NTRK3: variants seen among roughly 807,000 people sequenced by gnomAD.
NTRK3 encodes neurotrophic receptor tyrosine kinase 3.
In NTRK3, 24 loss-of-function variants were observed where a neutral mutation model predicts 91.7. The ratio of observed to expected loss-of-function variants is 0.26; its 90% CI spans 0.19 to 0.37. The LOEUF is 0.37. Among genes scored for constraint, NTRK3 ranks in the 10% least tolerant of loss-of-function variants. The pLI, the probability that NTRK3 is intolerant of heterozygous loss-of-function variation, is 1.00. For synonymous variants in NTRK3, 483 were observed against 404.0 expected, an observed-to-expected ratio of 1.20 and a Z score of -2.34; for missense variants, 880 against 1,068.9, an observed-to-expected ratio of 0.82 and a Z score of 2.46.
chr15:88,231,235 CT>C (rs2051153244), intron 3 of NTRK3, among the ~76,000 whole-genome samples: 1 of 152,138 alleles, frequency 6.6e-6, no homozygotes, highest in Non-Finnish European at 1.5e-5. Context: ...ACACCTCCAA[CT>C]CTCACACTCA....
chr15:88,143,739 G>A lies in NTRK3; in HGVS notation c.464+3596C>T, dbSNP rs533999539. On this transcript the variant is annotated intron_variant, in intron 6 of 18. Transcript: ENST00000394480. ...ATTGTTTAGTGACGTCTCCAAGAAC[G>A]GTAGAAAGTCATCACGGCCAAGACT... is the stretch of plus-strand genomic sequence containing the variant. Among the ~76,000 whole-genome samples the A allele has an allele frequency of 1.2e-4, 19 of 152,242 alleles. No homozygotes were observed. In the South Asian group the frequency reaches 3.3e-3, roughly 27 times the overall value.
chr15:87,995,710 C>CA (rs1266781525), intron 14 of NTRK3, among the ~76,000 whole-genome samples: 1 of 152,112 alleles, frequency 6.6e-6, no homozygotes, highest in Non-Finnish European at 1.5e-5. Context: ...GGGCAGGGGC[C>CA]AGCAAGCTTT....
chr15:87,933,238 T>C lies in NTRK3; in HGVS notation c.1717-54A>G, dbSNP rs1045333083. On this transcript the variant is annotated intron_variant, in intron 15 of 18. Coordinates refer to ENST00000394480, the Ensembl canonical transcript of NTRK3. ...AACAACTACAGGGCAGGGGGCTGTC[T>C]TTTCTACTCCTGGAAAGAAACTGGC... The C allele has an allele frequency of 5.1e-6, 8 of 1,572,140 alleles. No individual in the cohort carries two copies. In the African/African-American group the frequency reaches 1.1e-4, roughly 21 times the overall value.
chr15:87,977,149 A>G (rs562582178), intron 14 of NTRK3, among the ~76,000 whole-genome samples: 8 of 152,230 alleles, frequency 5.3e-5, no homozygotes, highest in Non-Finnish European at 1.0e-4. Flanking sequence ...CAATACGATG[A>G]AAAAGCACTT....
chr15:88,212,729 C>G (rs1016583449), intron 3 of NTRK3, among the ~76,000 whole-genome samples: 3 of 135,664 alleles, frequency 2.2e-5, no homozygotes, highest in African/African-American at 1.0e-4. Flanking sequence ...CACACACACA[C>G]ACACACACAC....
intron 5 of NTRK3, among the ~76,000 whole-genome samples, chr15:88,175,214 G>A (rs1376883386): frequency 6.6e-6 from 1 of 152,182 alleles, no homozygotes; most frequent in East Asian, 1.9e-4. Flanking sequence ...GAGGTCAGCT[G>A]TGGCTTTGCT....
At chr15:87,970,753 A>G (rs1427891122) in intron 14 of NTRK3, among the ~76,000 whole-genome samples, 2 of 152,160 alleles carry the variant, frequency 1.3e-5, no homozygotes, top group African/African-American at 4.8e-5. Flanking sequence ...CATTGCTGCA[A>G]TCAATAAAAA....
intron 13 of NTRK3, among the ~76,000 whole-genome samples, chr15:88,095,941 T>C (rs946231535): frequency 2.1e-4 from 32 of 152,178 alleles, no homozygotes; most frequent in African/African-American, 7.0e-4. Context: ...CCAATCTCCT[T>C]CTGCAGTGGT....
At chr15:88,106,751 T>C (rs1393241119) in intron 13 of NTRK3, among the ~76,000 whole-genome samples, 1 of 151,950 alleles carries the variant, frequency 6.6e-6, no homozygotes, top group Non-Finnish European at 1.5e-5. Context: ...ACCAACATGG[T>C]GAAACCCTGT....
intron 14 of NTRK3, among the ~76,000 whole-genome samples, chr15:88,012,291 C>T (rs763534782): frequency 2.6e-5 from 4 of 152,254 alleles, no homozygotes; most frequent in Middle Eastern, 3.4e-3. Context: ...ATAAGGGAAA[C>T]GTATTAACAC....
intron 17 of NTRK3, among the ~76,000 whole-genome samples, chr15:87,922,636 C>T (rs547801688): frequency 6.6e-6 from 1 of 152,204 alleles, no homozygotes; most frequent in South Asian, 2.1e-4. Context: ...TTTCTGAAGC[C>T]CATCCTTTGA....
exon 18 of NTRK3, chr15:87,880,361 G>C (rs369115841): frequency 1.9e-6 from 3 of 1,614,162 alleles, no homozygotes; most frequent in Non-Finnish European, 2.5e-6. Flanking sequence ...ACTCTCTGTA[G>C]TGAACTTCCG....
chr15:87,940,626 C>T (rs1481435418), exon 15 of NTRK3: 1 of 1,613,714 alleles, frequency 6.2e-7, no homozygotes, highest in African/African-American at 1.3e-5. Context: ...GGTTTACCTT[C>T]ACAGCCACAA....
intron 14 of NTRK3, among the ~76,000 whole-genome samples, chr15:88,014,999 C>A (rs1297511273): frequency 6.6e-6 from 1 of 152,216 alleles, no homozygotes; most frequent in Non-Finnish European, 1.5e-5. Context: ...GTGGAGCCTG[C>A]TGGCAGCAAC....
At chr15:88,201,954 T>C (rs2048337328) in intron 3 of NTRK3, among the ~76,000 whole-genome samples, 1 of 152,122 alleles carries the variant, frequency 6.6e-6, no homozygotes, top group African/African-American at 2.4e-5. Context: ...CTCTCTTCTA[T>C]TTCCTCCCTC....
intron 17 of NTRK3, among the ~76,000 whole-genome samples, chr15:87,892,361 A>G (rs115739138): frequency 8.0e-4 from 122 of 152,342 alleles, no homozygotes; most frequent in African/African-American, 2.7e-3. Context: ...GTAATTTTTG[A>G]TAAGAGTCCA....
intron 3 of NTRK3, among the ~76,000 whole-genome samples, chr15:88,203,439 T>G (rs1263934672): frequency 6.6e-6 from 1 of 152,198 alleles, no homozygotes; most frequent in Non-Finnish European, 1.5e-5. Context: ...TGTCAGTCTC[T>G]GCATTTACCC....
chr15:88,223,055 G>A (rs1863485), intron 3 of NTRK3, among the ~76,000 whole-genome samples: 118,834 of 152,070 alleles, frequency 0.78, 48,309 homozygotes, highest in East Asian at 0.96. Flanking sequence ...GAGGGTGGGC[G>A]GCAGGGGAGA....
chr15:87,976,727 G>C (rs1274517287), intron 14 of NTRK3, among the ~76,000 whole-genome samples: 2 of 152,196 alleles, frequency 1.3e-5, no homozygotes, highest in South Asian at 4.1e-4. Context: ...CTTGCCATGA[G>C]AGTGTGGCTC....
Sources: gnomAD v4.1 joint callset for allele counts (sites outside exome capture counted in the v4.1 genomes callset) on GRCh38, gnomAD v4.1.1 for gene constraint, MANE v1.5 for transcripts, NCBI Gene and HGNC (gene_info 2026-07-23, HGNC 2026-07-21) for gene names.